Variants in NKAIN3 observed in about 807,000 individuals in gnomAD.
NKAIN3 encodes the protein sodium/potassium-transporting ATPase subunit beta-1-interacting protein 3.
NKAIN3 carries 25 observed loss-of-function variants against 30.2 expected under a neutral mutation model. The ratio of observed to expected loss-of-function variants is 0.83; its 90% CI spans 0.60 to 1.16. NKAIN3 has a LOEUF of 1.16. Among genes scored for constraint, NKAIN3 ranks in the 50% most tolerant of loss-of-function variants. NKAIN3 has a pLI of 0.00. For synonymous variants in NKAIN3, 91 were observed against 89.6 expected (o/e 1.02, Z -0.09); for missense variants, 225 against 254.1 (o/e 0.89, Z 0.78).
intron 3 of NKAIN3, among the ~76,000 whole-genome samples, chr8:62,652,168 T>C (rs991192172): frequency 3.9e-5 from 6 of 152,092 alleles, no homozygotes; most frequent in African/African-American, 1.4e-4. Flanking sequence ...TGCCATCATC[T>C]TGGGGATTAG....
intron 1 of NKAIN3, among the ~76,000 whole-genome samples, chr8:62,462,983 C>T (rs1211790573): frequency 5.9e-5 from 9 of 152,176 alleles, no homozygotes; most frequent in Non-Finnish European, 1.3e-4. Context: ...ATAAAGACTG[C>T]TTTCTCCCAG....
At chr8:62,901,728 C>T (rs926850649) in intron 4 of NKAIN3, among the ~76,000 whole-genome samples, 8 of 152,212 alleles carry the variant, frequency 5.3e-5, no homozygotes, top group Admixed American at 3.9e-4. Flanking sequence ...TACTACGAAA[C>T]ATCCCCTCTC....
intron 2 of NKAIN3, among the ~76,000 whole-genome samples, chr8:62,589,188 A>G (rs117996663): frequency 0.08 from 12,171 of 151,806 alleles, 685 homozygotes; most frequent in Middle Eastern, 0.13. Flanking sequence ...TTATATGGTT[A>G]TATTTTTATT....
intron 1 of NKAIN3, among the ~76,000 whole-genome samples, chr8:62,313,735 T>TGG (rs1462406614): frequency 6.6e-6 from 1 of 152,138 alleles, no homozygotes. Context: ...AAAACTGTGT[T>TGG]ATAAGAATTT....
rs1823742564 is a variant in NKAIN3, at chr8:62,967,713, A to G, written c.*2306A>G. On this transcript the variant is annotated 3_prime_UTR_variant, in exon 7 of 7. Coordinates refer to ENST00000623646, the MANE Select transcript of NKAIN3 (RefSeq NM_001304533.3). The stretch of plus-strand genomic sequence containing the variant: ...CGATTATTGAAAAAGCTGATAAAAC[A>G]TCAAAACTGTAGAGAGTCAGTAAAA... Among the ~76,000 whole-genome samples, 1 of 151,320 alleles carries G rather than the reference A, an allele frequency of 6.6e-6. No individual in the cohort carries two copies. Among genetic ancestry groups the G allele is most frequent in the Non-Finnish European group, 1.5e-5 (1 of 67,532 alleles).
At chr8:62,571,596 C>A (rs1240380793) in intron 1 of NKAIN3, among the ~76,000 whole-genome samples, 1 of 152,158 alleles carries the variant, frequency 6.6e-6, no homozygotes, top group Non-Finnish European at 1.5e-5. Flanking sequence ...CCCTTCCACA[C>A]TGCCCTAGCA....
chr8:62,403,523 T>C (rs1208269318), intron 1 of NKAIN3, among the ~76,000 whole-genome samples: 1 of 152,154 alleles, frequency 6.6e-6, no homozygotes, highest in Non-Finnish European at 1.5e-5. Context: ...ACTCCAGCCA[T>C]GGCTGAAAGA....
intron 1 of NKAIN3, among the ~76,000 whole-genome samples, chr8:62,336,839 G>GT (rs917190299): frequency 2.0e-5 from 3 of 152,026 alleles, no homozygotes; most frequent in African/African-American, 7.2e-5. Flanking sequence ...AGTCAGCAAA[G>GT]TTTTTTGGTG....
chr8:62,516,088 A>G (rs1807975529), intron 1 of NKAIN3, among the ~76,000 whole-genome samples: 1 of 152,084 alleles, frequency 6.6e-6, no homozygotes, highest in Non-Finnish European at 1.5e-5. Context: ...AAGAGAGCCA[A>G]GCTGGCAACT....
intron 3 of NKAIN3, among the ~76,000 whole-genome samples, chr8:62,663,833 C>T (rs534782070): frequency 7.9e-5 from 12 of 152,200 alleles, no homozygotes; most frequent in East Asian, 5.8e-4. Context: ...AGCAACAGTG[C>T]GTGATGCCCA....
intron 4 of NKAIN3, among the ~76,000 whole-genome samples, chr8:62,907,503 G>A (rs940053733): frequency 1.3e-5 from 2 of 152,192 alleles, no homozygotes; most frequent in Non-Finnish European, 2.9e-5. Context: ...CATTTCAGAG[G>A]TCTTCATGGC....
chr8:62,532,402 C>G (rs532618513), intron 1 of NKAIN3, among the ~76,000 whole-genome samples: 2 of 53,686 alleles, frequency 3.7e-5, no homozygotes, highest in African/African-American at 1.6e-4. Flanking sequence ...AACGTCTATA[C>G]TTGTCCTGAA....
intron 1 of NKAIN3, among the ~76,000 whole-genome samples, chr8:62,437,096 G>A (rs181845504): frequency 1.3e-5 from 2 of 152,258 alleles, no homozygotes; most frequent in African/African-American, 2.4e-5. Flanking sequence ...AATGATTAAA[G>A]ACTGGTACTA....
chr8:62,791,777 AAC>A (rs1817706677), intron 4 of NKAIN3, among the ~76,000 whole-genome samples: 1 of 151,854 alleles, frequency 6.6e-6, no homozygotes, highest in South Asian at 2.1e-4. Context: ...CCATCTTCAT[AAC>A]AGTTTCCAGA....
intron 4 of NKAIN3, among the ~76,000 whole-genome samples, chr8:62,807,045 C>G (rs116551708): frequency 1.5e-3 from 225 of 152,162 alleles, no homozygotes; most frequent in African/African-American, 5.1e-3. Flanking sequence ...TCTTTCACTA[C>G]TTTGTACATC....
chr8:62,818,515 CT>C (rs977089695), intron 4 of NKAIN3, among the ~76,000 whole-genome samples: 4 of 151,866 alleles, frequency 2.6e-5, no homozygotes, highest in South Asian at 2.1e-4. Context: ...TCTATGCCAA[CT>C]TTTTTTTCCC....
chr8:62,326,591 T>C (rs1412535447), intron 1 of NKAIN3, among the ~76,000 whole-genome samples: 1 of 151,766 alleles, frequency 6.6e-6, no homozygotes, highest in Non-Finnish European at 1.5e-5. Flanking sequence ...TAGAATATAA[T>C]GGGTATTTTC....
chr8:62,514,789 C>T (rs1040540648), intron 1 of NKAIN3, among the ~76,000 whole-genome samples: 1 of 151,954 alleles, frequency 6.6e-6, no homozygotes, highest in African/African-American at 2.4e-5. Context: ...TGGAGCTAGG[C>T]GGCCTGTTCC....
At chr8:62,809,045 G>T (rs560485744) in intron 4 of NKAIN3, among the ~76,000 whole-genome samples, 2 of 152,210 alleles carry the variant, frequency 1.3e-5, no homozygotes, top group South Asian at 4.1e-4. Flanking sequence ...CTGTTCCTTG[G>T]TGAGAAAAAG....
Sources: allele counts gnomAD v4.1 joint callset (sites outside exome capture counted in the v4.1 genomes callset), GRCh38; gene constraint gnomAD v4.1.1; transcripts MANE v1.5; gene names NCBI Gene and HGNC (gene_info 2026-07-23, HGNC 2026-07-21).